Variants in METTL15 observed in about 807,000 individuals in gnomAD.
METTL15 encodes the protein methyltransferase 15, mitochondrial 12S rRNA N4-cytidine, also known as 12S rRNA N(4)-cytidine methyltransferase METTL15.
In METTL15, 34 loss-of-function variants were observed where a neutral mutation model predicts 38.3. The ratio of observed to expected loss-of-function variants is 0.89; its 90% CI spans 0.68 to 1.18. The LOEUF (loss-of-function observed/expected upper bound fraction) is 1.18. Among genes scored for constraint, METTL15 ranks in the 50% most tolerant of loss-of-function variants. METTL15 has a pLI of 0.00. For synonymous variants in METTL15, 162 were observed against 170.9 expected, an observed-to-expected ratio of 0.95 and a Z score of 0.41; for missense variants, 438 against 498.4, an observed-to-expected ratio of 0.88 and a Z score of 1.15.
intron 4 of METTL15, among the ~76,000 whole-genome samples, chr11:28,249,238 G>T (rs1025011460): frequency 6.6e-6 from 1 of 151,604 alleles, no homozygotes; most frequent in Non-Finnish European, 1.5e-5. Context: ...GATAACAGTG[G>T]TACCTATCTT....
At chr11:28,514,732 G>A (rs1194751626) in intron 6 of METTL15, among the ~76,000 whole-genome samples, 1 of 152,142 alleles carries the variant, frequency 6.6e-6, no homozygotes, top group Non-Finnish European at 1.5e-5. Flanking sequence ...CCAAACTTTG[G>A]ACACATGTTT....
intron 3 of METTL15, among the ~76,000 whole-genome samples, chr11:28,204,309 T>A (rs1220281754): frequency 1.3e-5 from 2 of 151,990 alleles, no homozygotes; most frequent in African/African-American, 4.8e-5. Context: ...CTTTTCTTCC[T>A]CTTTCTCTCT....
intron 6 of METTL15, among the ~76,000 whole-genome samples, chr11:28,442,087 A>G (rs910960541): frequency 6.6e-6 from 1 of 152,222 alleles, no homozygotes; most frequent in Non-Finnish European, 1.5e-5. Flanking sequence ...CCTGAGGAAG[A>G]CAAGAGGCTC....
chr11:28,401,091 G>A (rs1389676910), intron 5 of METTL15, among the ~76,000 whole-genome samples: 2 of 151,960 alleles, frequency 1.3e-5, no homozygotes, highest in Non-Finnish European at 2.9e-5. Flanking sequence ...TCTTCCTAAA[G>A]TAAATGACAT....
At chr11:28,510,794 C>A (rs1172268983) in intron 6 of METTL15, among the ~76,000 whole-genome samples, 6 of 152,122 alleles carry the variant, frequency 3.9e-5, no homozygotes, top group Admixed American at 3.9e-4. Context: ...CATACTACTG[C>A]CCAAATCATT....
chr11:28,313,713 T>C (rs1857384851), intron 6 of METTL15, among the ~76,000 whole-genome samples: 1 of 152,036 alleles, frequency 6.6e-6, no homozygotes, highest in African/African-American at 2.4e-5. Flanking sequence ...TTACTTAAAT[T>C]TTATGCCAAT....
At chr11:28,452,799 G>T (rs1347796012) in intron 6 of METTL15, among the ~76,000 whole-genome samples, 1 of 152,156 alleles carries the variant, frequency 6.6e-6, no homozygotes, top group African/African-American at 2.4e-5. Flanking sequence ...GTAGCCACTG[G>T]AGCGTTTGGG....
intron 6 of METTL15, among the ~76,000 whole-genome samples, chr11:28,485,230 GA>G (rs945204526): frequency 1.5e-5 from 2 of 131,086 alleles, no homozygotes; most frequent in African/African-American, 5.2e-5. Context: ...CTAACTTATT[GA>G]ATGCAAGAAA....
chr11:28,317,636 T>C (rs1031740510), intron 6 of METTL15, among the ~76,000 whole-genome samples: 14 of 152,172 alleles, frequency 9.2e-5, no homozygotes, highest in Non-Finnish European at 1.8e-4. Flanking sequence ...AACTAAAAAT[T>C]GCAATTTCTC....
intron 3 of METTL15, among the ~76,000 whole-genome samples, chr11:28,349,607 A>G (rs1850025244): frequency 6.6e-6 from 1 of 152,248 alleles, no homozygotes; most frequent in African/African-American, 2.4e-5. Flanking sequence ...GAGTATGTTT[A>G]GTTCCTTGAT....
chr11:28,417,316 T>A (rs554315264), intron 5 of METTL15, among the ~76,000 whole-genome samples: 1 of 152,304 alleles, frequency 6.6e-6, no homozygotes, highest in Non-Finnish European at 1.5e-5. Flanking sequence ...GCAAAAAGAA[T>A]AATGCAAAAT....
At chr11:28,431,975 C>T (rs1056346616) in intron 6 of METTL15, among the ~76,000 whole-genome samples, 2 of 152,146 alleles carry the variant, frequency 1.3e-5, no homozygotes, top group Non-Finnish European at 2.9e-5. Flanking sequence ...TCTCAACTCT[C>T]TCCCAGATTC....
chr11:28,452,584 T>A (rs757720019), intron 6 of METTL15, among the ~76,000 whole-genome samples: 6 of 152,116 alleles, frequency 3.9e-5, no homozygotes, highest in Admixed American at 3.3e-4. Flanking sequence ...AGAAGACATG[T>A]CTACTTTAGA....
intron 3 of METTL15, among the ~76,000 whole-genome samples, chr11:28,116,582 C>T (rs1277430624): frequency 6.6e-6 from 1 of 152,242 alleles, no homozygotes; most frequent in Non-Finnish European, 1.5e-5. Flanking sequence ...TTGGATCAGG[C>T]AGTTTTCATG....
intron 5 of METTL15, among the ~76,000 whole-genome samples, chr11:28,372,524 A>C (rs1397067348): frequency 6.8e-6 from 1 of 147,400 alleles, no homozygotes; most frequent in Non-Finnish European, 1.5e-5. Context: ...TGGAAAAAAA[A>C]CCCTACACAA....
intron 3 of METTL15, among the ~76,000 whole-genome samples, chr11:28,125,177 A>G (rs1852421668): frequency 6.6e-6 from 1 of 152,080 alleles, no homozygotes; most frequent in Non-Finnish European, 1.5e-5. Flanking sequence ...ATTTTTCTAA[A>G]GTTATTAAGC....
intron 6 of METTL15, among the ~76,000 whole-genome samples, chr11:28,467,424 C>G (rs191658805): frequency 6.6e-6 from 1 of 152,342 alleles, no homozygotes; most frequent in East Asian, 1.9e-4. Context: ...ACAAGAGGCT[C>G]CAAACTGCCT....
chr11:28,242,085 A>G (rs1367267597), intron 4 of METTL15, among the ~76,000 whole-genome samples: 3 of 152,210 alleles, frequency 2.0e-5, no homozygotes, highest in African/African-American at 7.2e-5. Context: ...AAATATAAAT[A>G]AAAGTCTCTG....
chr11:28,310,559 A>G lies in METTL15; in HGVS notation c.778+13628A>G, dbSNP rs1001638611. Among the ~76,000 whole-genome samples, 71 of 152,226 alleles carry G rather than the reference A, an allele frequency of 4.7e-4. 1 individual carries two copies. The highest frequency in any genetic ancestry group is 4.0e-3 in the Admixed American group (61 of 15,292). On this transcript the variant is annotated intron_variant, in intron 6 of 6. Transcript: ENST00000407364. ...GCTTTATTCCATTCCTTAATATCCA[A>G]CCAATTCCCTAAGATATCACAGCTT...
Sources: allele counts gnomAD v4.1 joint callset (sites outside exome capture counted in the v4.1 genomes callset), GRCh38; gene constraint gnomAD v4.1.1; transcripts MANE v1.5; gene names NCBI Gene and HGNC (gene_info 2026-07-23, HGNC 2026-07-21).